Variants in SHANK2 observed in about 807,000 individuals in gnomAD.
The protein encoded by SHANK2 is SH3 and multiple ankyrin repeat domains protein 2.
A neutral mutation model predicts 133.7 loss-of-function variants in SHANK2; 43 were observed. That is an observed-to-expected ratio of 0.32 (90% CI 0.25 to 0.41). The LOEUF is 0.41. SHANK2 is among the 10% of genes least tolerant of loss of function. The pLI is 1.00. For synonymous variants in SHANK2, 1,017 were observed against 952.8 expected (o/e 1.07, Z -1.24); for missense variants, 1,994 against 2,235.8 (o/e 0.89, Z 2.18).
At chr11:70,833,276 G>C (rs1948753187) in intron 11 of SHANK2, among the ~76,000 whole-genome samples, 2 of 150,240 alleles carry the variant, frequency 1.3e-5, no homozygotes, top group South Asian at 4.1e-4. Flanking sequence ...GCCCCGACTG[G>C]CCACCCCGGC....
intron 14 of SHANK2, among the ~76,000 whole-genome samples, chr11:70,727,212 G>T (rs1555030909): frequency 6.6e-6 from 1 of 152,278 alleles, no homozygotes; most frequent in Admixed American, 6.5e-5. Context: ...CGGAGCAGTT[G>T]TGAGAGTCAC....
chr11:71,113,965 AT>A (rs1951934615), intron 4 of SHANK2, among the ~76,000 whole-genome samples: 1 of 152,112 alleles, frequency 6.6e-6, no homozygotes, highest in Non-Finnish European at 1.5e-5. Context: ...AGTAAGCAAC[AT>A]TGTCGGAGTG....
chr11:70,909,035 G>A (rs1244294268), intron 10 of SHANK2, among the ~76,000 whole-genome samples: 3 of 152,180 alleles, frequency 2.0e-5, no homozygotes, highest in South Asian at 2.1e-4. Flanking sequence ...AAACATCAGC[G>A]TGTAAGTTTA....
intron 11 of SHANK2, among the ~76,000 whole-genome samples, chr11:70,876,130 TG>T (rs1379684467): frequency 6.6e-6 from 1 of 151,684 alleles, no homozygotes. Context: ...CACTCCAGCC[TG>T]GGCAACAAGA....
rs562888019 is a variant in SHANK2, at chr11:70,643,584, A to C, written c.2061+16244T>G. Among the ~76,000 whole-genome samples, 12 of 152,020 alleles carry C rather than the reference A, an allele frequency of 7.9e-5. No homozygotes were observed. In the South Asian group the frequency reaches 2.5e-3, roughly 32 times the overall value. ...CCGTCTCGGAAAAAAAAAAAAAAAAAAAAGCAGAAATATTATTATACTACA... is the reference window on the plus strand; with the variant it reads ...CCGTCTCGGAAAAAAAAAAAAAAAACAAAGCAGAAATATTATTATACTACA... On this transcript the variant is annotated intron_variant, in intron 17 of 25. Transcript: ENST00000601538.
chr11:71,247,582 C>T (rs2135831153), intron 1 of SHANK2, among the ~76,000 whole-genome samples: 1 of 152,048 alleles, frequency 6.6e-6, no homozygotes. Flanking sequence ...TGCTTATGAC[C>T]TCTAATGCAC....
chr11:70,682,313 C>T (rs1945046624), intron 15 of SHANK2, among the ~76,000 whole-genome samples: 1 of 152,220 alleles, frequency 6.6e-6, no homozygotes, highest in Non-Finnish European at 1.5e-5. Flanking sequence ...TGGGCACCAA[C>T]AGAGTGCAGA....
intron 11 of SHANK2, 59 bp from the exon 12 acceptor site, chr11:70,820,741 T>C (rs1414703211): frequency 1.6e-6 from 1 of 614,562 alleles, no homozygotes; most frequent in Non-Finnish European, 2.9e-6. Context: ...GTCAGCTGGG[T>C]GGGGACCCTA....
intron 17 of SHANK2, among the ~76,000 whole-genome samples, chr11:70,586,617 G>A (rs543190660): frequency 8.5e-5 from 13 of 152,312 alleles, no homozygotes; most frequent in East Asian, 5.8e-4. Context: ...AGTACAGATC[G>A]CCAGCCTCTG....
intron 17 of SHANK2, among the ~76,000 whole-genome samples, chr11:70,620,313 C>T (rs1554997241): frequency 6.6e-6 from 1 of 152,208 alleles, no homozygotes; most frequent in African/African-American, 2.4e-5. Context: ...ATTACCTTGC[C>T]GGGGCCTCAT....
At chr11:71,129,866 A>G (rs10897623) in intron 3 of SHANK2, among the ~76,000 whole-genome samples, 132,803 of 152,200 alleles carry the variant, frequency 0.87, 58,148 homozygotes, top group African/African-American at 0.93. Context: ...AAGCACCACA[A>G]AACAGGCTGC....
chr11:71,136,497 G>C (rs78439095), intron 3 of SHANK2, among the ~76,000 whole-genome samples: 4,485 of 152,250 alleles, frequency 0.029, 200 homozygotes, highest in African/African-American at 0.099. Flanking sequence ...AAGGGTGGTG[G>C]GGGGTGAGAA....
intron 2 of SHANK2, among the ~76,000 whole-genome samples, chr11:71,219,603 C>T (rs1227192984): frequency 6.6e-6 from 1 of 151,570 alleles, no homozygotes; most frequent in Non-Finnish European, 1.5e-5. Context: ...ACAAAAAAAA[C>T]AAACAGGCCA....
chr11:70,603,440 C>T (rs1554991519), intron 17 of SHANK2: 1 of 152,306 alleles, frequency 6.6e-6, no homozygotes, highest in African/African-American at 2.4e-5. Context: ...TGTCCCTCCA[C>T]ATCCTGACCC....
In SHANK2 at chr11:70,528,869, G is replaced by C. The variant is rs2059432850; in HGVS notation, c.2062-25938C>G. 2.0e-5 allele frequency among the ~76,000 whole-genome samples: 3 copies of C among 152,076 alleles called. No homozygotes were observed. In the South Asian group the frequency reaches 6.2e-4, roughly 32 times the overall value. ...ACCCAGGTGGCGACTCCTGCTCCAG[G>C]GTCCCCACACCCGCCTCTCAGGAGG... On this transcript the variant is annotated intron_variant, in intron 17 of 25. Coordinates refer to ENST00000601538, the MANE Select transcript of SHANK2 (RefSeq NM_012309.5).
At chr11:71,232,988 C>G (rs1954768916) in intron 1 of SHANK2, among the ~76,000 whole-genome samples, 1 of 152,088 alleles carries the variant, frequency 6.6e-6, no homozygotes, top group Non-Finnish European at 1.5e-5. Context: ...CCTAGGCATA[C>G]AACTAAAAAT....
rs1555148942 is a variant in SHANK2, at chr11:70,472,836, A to G, written c.*33T>C. 23 of 1,599,712 alleles carry G rather than the reference A, an allele frequency of 1.4e-5. No individual in the cohort carries two copies. Among genetic ancestry groups the G allele is most frequent in the Non-Finnish European group, 1.8e-5 (21 of 1,166,882 alleles). ...GCACGAGCCCATCTCTACTTATAAC[A>G]AGAGCAGTCTGCGAGGTGGAGAGCA... On this transcript the variant is annotated 3_prime_UTR_variant, in exon 26 of 26. Transcript: ENST00000601538. This position sits in a 1 kb window ranked among gnomAD's most constrained non-coding sequence, Gnocchi z 4.4.
intron 11 of SHANK2, among the ~76,000 whole-genome samples, chr11:70,836,461 T>C (rs3019838): frequency 0.62 from 94,429 of 151,962 alleles, 29,861 homozygotes; most frequent in South Asian, 0.77. Context: ...GTGCCAGGTA[T>C]GGAGGGAAAG....
chr11:70,675,226 G>A (rs1555016934), intron 15 of SHANK2, among the ~76,000 whole-genome samples: 1 of 152,178 alleles, frequency 6.6e-6, no homozygotes. Flanking sequence ...CCTGAATTCT[G>A]GCTTAATGAG....
Sources: gnomAD v4.1 joint callset for allele counts (sites outside exome capture counted in the v4.1 genomes callset) on GRCh38, gnomAD v4.1.1 for gene constraint, Gnocchi (gnomAD v3.1) non-coding constraint, MANE v1.5 for transcripts, NCBI Gene and HGNC (gene_info 2026-07-23, HGNC 2026-07-21) for gene names.